Variants in LHFPL3 observed in about 807,000 individuals in gnomAD.
The protein encoded by LHFPL3 is LHFPL tetraspan subfamily member 3.
Under a neutral mutation model 19.3 loss-of-function variants are expected in LHFPL3, and 5 were observed. The observed-to-expected ratio is 0.26, with a 90% CI of 0.14 to 0.54. The LOEUF (loss-of-function observed/expected upper bound fraction) is 0.54, where lower values mean the gene tolerates loss of function less well. Ranked by LOEUF, LHFPL3 falls within the 20% of genes least tolerant of loss-of-function variation. The pLI is 0.94. For synonymous variants in LHFPL3, 133 were observed against 126.2 expected (o/e 1.05, Z -0.36); for missense variants, 249 against 307.4 (o/e 0.81, Z 1.42).
intron 2 of LHFPL3, among the ~76,000 whole-genome samples, chr7:104,822,987 C>A (rs1790705270): frequency 6.6e-6 from 1 of 152,022 alleles, no homozygotes; most frequent in Non-Finnish European, 1.5e-5. Context: ...CCTTGGGGTC[C>A]CAGGCCTCCA....
chr7:104,410,661 A>T (rs1243276161), intron 1 of LHFPL3, among the ~76,000 whole-genome samples: 1 of 152,012 alleles, frequency 6.6e-6, no homozygotes, highest in Non-Finnish European at 1.5e-5. Context: ...GATTCAAACA[A>T]CATCATGCAA....
intron 1 of LHFPL3, among the ~76,000 whole-genome samples, chr7:104,561,532 T>C (rs1790003390): frequency 6.6e-6 from 1 of 151,834 alleles, no homozygotes; most frequent in Admixed American, 6.6e-5. Context: ...TTCCATTGGC[T>C]TGGTAGATCT....
chr7:104,616,276 GT>G (rs1027057494), intron 1 of LHFPL3, among the ~76,000 whole-genome samples: 1 of 152,098 alleles, frequency 6.6e-6, no homozygotes, highest in African/African-American at 2.4e-5. Flanking sequence ...CTTGCTACTA[GT>G]ACCAAAACAG....
chr7:104,478,916 A>C (rs893473961), intron 1 of LHFPL3, among the ~76,000 whole-genome samples: 1 of 152,214 alleles, frequency 6.6e-6, no homozygotes, highest in Non-Finnish European at 1.5e-5. Context: ...TTTAGGGGAC[A>C]AGAATCTGGC....
chr7:104,887,658 G>T (rs1792173703), intron 2 of LHFPL3, among the ~76,000 whole-genome samples: 1 of 152,200 alleles, frequency 6.6e-6, no homozygotes, highest in Non-Finnish European at 1.5e-5. Context: ...GGCCCAGTGG[G>T]CACTGAAATG....
chr7:104,760,672 T>G (rs1794356534), intron 2 of LHFPL3, among the ~76,000 whole-genome samples: 1 of 152,206 alleles, frequency 6.6e-6, no homozygotes, highest in Non-Finnish European at 1.5e-5. Context: ...AGAAAGATCC[T>G]GAGTCTAAAA....
intron 2 of LHFPL3, among the ~76,000 whole-genome samples, chr7:104,846,568 G>C (rs1791317173): frequency 6.6e-6 from 1 of 152,162 alleles, no homozygotes; most frequent in East Asian, 1.9e-4. Flanking sequence ...AAATGGCCAA[G>C]GTTTCAAGAG....
intron 1 of LHFPL3, among the ~76,000 whole-genome samples, chr7:104,366,215 T>C (rs548981764): frequency 3.2e-4 from 49 of 152,304 alleles, no homozygotes; most frequent in African/African-American, 1.1e-3. Flanking sequence ...AAAACAGTGC[T>C]CAATAAAGAT....
chr7:104,610,329 C>T (rs1321290884), intron 1 of LHFPL3, among the ~76,000 whole-genome samples: 1 of 151,858 alleles, frequency 6.6e-6, no homozygotes, highest in East Asian at 1.9e-4. Flanking sequence ...TCTTCCCCAT[C>T]AACTAGAATT....
intron 2 of LHFPL3, among the ~76,000 whole-genome samples, chr7:104,780,638 C>G (rs1475327954): frequency 1.3e-5 from 2 of 152,150 alleles, no homozygotes; most frequent in Non-Finnish European, 2.9e-5. Context: ...AACCGCCCAC[C>G]CTTGCTCACT....
chr7:104,465,011 A>C (rs962320029), intron 1 of LHFPL3, among the ~76,000 whole-genome samples: 3 of 152,166 alleles, frequency 2.0e-5, no homozygotes, highest in Non-Finnish European at 4.4e-5. Flanking sequence ...TGCTACTTAG[A>C]AATTTCTTCC....
At chr7:104,703,438 T>C (rs1793137000) in intron 1 of LHFPL3, among the ~76,000 whole-genome samples, 1 of 152,256 alleles carries the variant, frequency 6.6e-6, no homozygotes, top group East Asian at 1.9e-4. Flanking sequence ...CTGCTATGTT[T>C]GTGTAAAACC....
At chr7:104,865,330 A>C (rs1388821664) in intron 2 of LHFPL3, among the ~76,000 whole-genome samples, 2 of 152,184 alleles carry the variant, frequency 1.3e-5, no homozygotes. Context: ...ACCTTGAAAA[A>C]AAAATTAGAC....
chr7:104,860,174 C>A (rs1179476526), intron 2 of LHFPL3, among the ~76,000 whole-genome samples: 1 of 80,958 alleles, frequency 1.2e-5, no homozygotes, highest in African/African-American at 4.2e-5. Context: ...ACACATACAC[C>A]CACCCACACA....
chr7:104,400,623 A>G (rs1791296355), intron 1 of LHFPL3, among the ~76,000 whole-genome samples: 1 of 152,210 alleles, frequency 6.6e-6, no homozygotes, highest in Admixed American at 6.5e-5. Flanking sequence ...TAAGTGATAC[A>G]TGAAAAAAAT....
At chr7:104,774,222 T>C (rs1254873825) in intron 2 of LHFPL3, among the ~76,000 whole-genome samples, 1 of 152,236 alleles carries the variant, frequency 6.6e-6, no homozygotes, top group African/African-American at 2.4e-5. Context: ...CTCTTTTCTC[T>C]TCCTTCTCTT....
chr7:104,433,271 A>G (rs1440729779), intron 1 of LHFPL3, among the ~76,000 whole-genome samples: 2 of 152,234 alleles, frequency 1.3e-5, no homozygotes, highest in Admixed American at 6.5e-5. Context: ...AAAAGTTTAC[A>G]TGCTTAAAAG....
At chr7:104,765,412 A>G (rs1794440438) in intron 2 of LHFPL3, among the ~76,000 whole-genome samples, 1 of 152,208 alleles carries the variant, frequency 6.6e-6, no homozygotes. Flanking sequence ...GCTAATCTAT[A>G]AAGAGATACC....
At chr7:104,882,546 C>A (rs893047483) in intron 2 of LHFPL3, among the ~76,000 whole-genome samples, 12 of 152,162 alleles carry the variant, frequency 7.9e-5, no homozygotes, top group Non-Finnish European at 1.8e-4. Context: ...CTGTGCCCAG[C>A]CTGTACCACA....
Sources: gnomAD v4.1 joint callset for allele counts (sites outside exome capture counted in the v4.1 genomes callset) on GRCh38, gnomAD v4.1.1 for gene constraint, MANE v1.5 for transcripts, NCBI Gene and HGNC (gene_info 2026-07-23, HGNC 2026-07-21) for gene names.